TCERG1: variants seen among roughly 807,000 people sequenced by gnomAD.
TCERG1 encodes the protein transcription elongation regulator 1.
Under a neutral mutation model 144.7 loss-of-function variants are expected in TCERG1, and 37 were observed. That is an observed-to-expected ratio of 0.26 (90% confidence interval 0.20 to 0.34). The LOEUF is 0.34. TCERG1 is among the 10% of genes least tolerant of loss of function. The pLI is 1.00. For synonymous variants in TCERG1, 492 were observed against 458.2 expected, an observed-to-expected ratio of 1.07 and a Z score of -0.94; for missense variants, 1,027 against 1,380.7, an observed-to-expected ratio of 0.74 and a Z score of 4.06.
rs1765057628 is a variant in TCERG1, at chr5:146,478,524, T to G, written c.1633T>G (p.Phe545Val). 1.2e-6 allele frequency: 2 copies of G among 1,607,946 alleles called. No homozygotes were observed. The highest frequency in any genetic ancestry group is 3.4e-5 in the Admixed American group (2 of 58,082). ...CGTTTGGACTGGTGATGAGCGGGTC[T>G]TCTTTTATAATCCCACCACTCGTCT... ...CVVWTGDERV[F>V]FYNPTTRLSM... The change falls in exon 10 of 23, where the codon TTC (phenylalanine) becomes GTC (valine). Residue 545 changes from phenylalanine to valine, a missense_variant. By Grantham distance (50) the Phe-to-Val change is conservative. Around this residue, in one of 6 missense-constraint regions of TCERG1, gnomAD observed 482 missense variants for 632.6 expected, o/e 0.76. Coordinates refer to ENST00000679501, the MANE Select transcript of TCERG1 (RefSeq NM_001382548.1).
At chr5:146,459,379 A>T in intron 4 of TCERG1, 42 bp downstream of exon 4, 1 of 1,587,032 alleles carries the variant, frequency 6.3e-7, no homozygotes, top group Non-Finnish European at 8.6e-7. Context: ...GGGGCTAGAG[A>T]CATGAACAAG....
chr5:146,455,651 G>C (rs1292777413), intron 2 of TCERG1, among the ~76,000 whole-genome samples: 1 of 152,188 alleles, frequency 6.6e-6, no homozygotes, highest in Admixed American at 6.5e-5. Flanking sequence ...TTGCCAGCAA[G>C]TCTAAAAATA....
intron 5 of TCERG1, among the ~76,000 whole-genome samples, chr5:146,465,765 C>T (rs745690524): frequency 6.6e-6 from 1 of 152,158 alleles, no homozygotes; most frequent in Non-Finnish European, 1.5e-5. Context: ...GGCACGGTGG[C>T]TTACGCCTGT....
chr5:146,476,044 GC>G (rs1167866052), intron 9 of TCERG1, among the ~76,000 whole-genome samples: 2 of 151,926 alleles, frequency 1.3e-5, no homozygotes, highest in Non-Finnish European at 2.9e-5. Context: ...TAGCTTCCCT[GC>G]TTTCTGCTGT....
chr5:146,510,318 TAAA>T (rs546570760), intron 22 of TCERG1, 120 bp from the exon 23 acceptor site: 5,490 of 546,090 alleles, frequency 0.01, 1 homozygote, highest in East Asian at 0.039. Flanking sequence ...AAATTTTTCT[TAAA>T]AAAAAAAAAA....
In TCERG1 at chr5:146,447,336, C is replaced by G. The variant is rs990801589; in HGVS notation, c.-14C>G. The G allele has an allele frequency of 1.2e-6, 2 of 1,610,888 alleles. No homozygotes were observed. Among genetic ancestry groups the G allele is most frequent in the African/African-American group, 2.7e-5 (2 of 74,806 alleles). ...GACGTCGGGTCGGCGGGTGGATGAA[C>G]GCGGCCCTCTGTAATGGCGGAGCGT... On this transcript the variant is annotated 5_prime_UTR_variant, in exon 1 of 23. Transcript: ENST00000679501.
intron 15 of TCERG1, among the ~76,000 whole-genome samples, chr5:146,488,012 T>A (rs572913748): frequency 4.9e-4 from 75 of 152,258 alleles, no homozygotes; most frequent in African/African-American, 1.7e-3. Context: ...GAACAGTCTC[T>A]TCAATAAATG....
At position 146,471,492 on chromosome 5, in the gene TCERG1, C is replaced by T; in HGVS notation, c.1517C>T (p.Pro506Leu). 1 of 1,611,586 alleles carries T rather than the reference C, an allele frequency of 6.2e-7. No homozygotes were observed. The highest frequency in any genetic ancestry group is 8.5e-7 in the Non-Finnish European group (1 of 1,178,934). The change falls in exon 9 of 23, where the codon CCC (proline) becomes CTC (leucine). Residue 506 changes from proline to leucine, a missense_variant. Physicochemically the swap from Pro to Leu is moderately conservative, Grantham distance 98 (BLOSUM62 -3). Around this residue, in one of 6 missense-constraint regions of TCERG1, gnomAD observed 482 missense variants for 632.6 expected, o/e 0.76. Transcript: ENST00000679501. ...GAGTAATATCATTTCTTGTAGGAGC[C>T]CAAAGAAGAGGAGATGACTGAAGAA... ...EEPIKEIKEE[P>L]KEEEMTEEEK... is the part of the protein sequence containing the mutation.
intron 13 of TCERG1, 68 bp downstream of exon 13, chr5:146,481,268 T>C: frequency 1.3e-6 from 1 of 774,780 alleles, no homozygotes; most frequent in Non-Finnish European, 1.6e-6. Flanking sequence ...AGATAGATAG[T>C]GATAGTTTGT....
chr5:146,503,412 A>C lies in TCERG1; in HGVS notation c.2471A>C (p.His824Pro). The change falls in exon 18 of 23, where the codon CAC becomes CCC. Residue 824 changes from histidine to proline, a missense_variant. Physicochemically the swap from His to Pro is moderately conservative, Grantham distance 77. Transcript: ENST00000679501. ...SDFFELLSNHHLDSQSRWSKV... is the reference protein window; with the variant it reads ...SDFFELLSNHPLDSQSRWSKV... ...TTCTTTGAACTATTATCTAATCATC[A>C]CTTGGACAGTCAGTCTCGATGGAGC... 2 of 1,613,670 alleles carry C rather than the reference A, an allele frequency of 1.2e-6. No individual in the cohort carries two copies. The highest frequency in any genetic ancestry group is 1.7e-6 in the Non-Finnish European group (2 of 1,179,812).
Position 146,503,933 on chromosome 5 carries a change from A to C in TCERG1, c.2708A>C (p.Glu903Ala). The C allele has an allele frequency of 6.2e-7, 1 of 1,612,894 alleles. No homozygotes were observed. The highest frequency in any genetic ancestry group is 8.5e-7 in the Non-Finnish European group (1 of 1,179,602). The change falls in exon 19 of 23, where the codon GAA becomes GCA. Residue 903 changes from glutamate to alanine, a missense_variant. Physicochemically the swap from Glu to Ala is moderately radical, Grantham distance 107. Coordinates refer to ENST00000679501, the MANE Select transcript of TCERG1 (RefSeq NM_001382548.1). ...AAGGCCCGTTCAGAACAAACAAAAG[A>C]AATAGATCGAGAGAGAGAGCAGCAC... ...VQKARSEQTK[E>A]IDREREQHKR...
intron 1 of TCERG1, among the ~76,000 whole-genome samples, chr5:146,454,192 T>C (rs1762614453): frequency 6.7e-6 from 1 of 149,388 alleles, no homozygotes; most frequent in African/African-American, 2.5e-5. Flanking sequence ...AGAGTGAGAC[T>C]TGGTCTCAAA....
At chr5:146,509,366 G>GTTGGTATCTTCTT in intron 22 of TCERG1, 121 bp downstream of exon 22, 4 of 630,280 alleles carry the variant, frequency 6.3e-6, no homozygotes, top group Non-Finnish European at 1.1e-5. Flanking sequence ...GGGATAAGAA[G>GTTGGTATCTTCTT]ATACCAACTT....
intron 4 of TCERG1, among the ~76,000 whole-genome samples, chr5:146,463,184 T>G (rs1299500461): frequency 2.6e-5 from 4 of 152,220 alleles, no homozygotes; most frequent in Admixed American, 1.3e-4. Flanking sequence ...ACTCTTTGCC[T>G]TATTCATACT....
intron 15 of TCERG1, among the ~76,000 whole-genome samples, chr5:146,486,118 G>T (rs889055325): frequency 6.6e-6 from 1 of 152,176 alleles, no homozygotes; most frequent in South Asian, 2.1e-4. Flanking sequence ...TTTATTATTT[G>T]CATAGGAGTA....
chr5:146,447,521 C>T, intron 1 of TCERG1, 113 bp downstream of exon 1: 1 of 1,401,552 alleles, frequency 7.1e-7, no homozygotes, highest in South Asian at 1.3e-5. Context: ...GCCGGGCGGC[C>T]CGGGCCGGGA....
intron 2 of TCERG1, among the ~76,000 whole-genome samples, chr5:146,456,695 A>T: frequency 6.6e-6 from 1 of 152,228 alleles, no homozygotes; most frequent in East Asian, 1.9e-4. Flanking sequence ...TTGAATTTTA[A>T]TGTTACTTAC....
intron 4 of TCERG1, among the ~76,000 whole-genome samples, chr5:146,462,434 T>C (rs1010539865): frequency 3.9e-5 from 6 of 152,226 alleles, no homozygotes; most frequent in Non-Finnish European, 8.8e-5. Flanking sequence ...AATAACAAAA[T>C]TGTTTTGTAA....
intron 12 of TCERG1, 195 bp downstream of exon 12, chr5:146,480,289 T>A (rs927989430): frequency 2.4e-6 from 1 of 417,068 alleles, no homozygotes; most frequent in Non-Finnish European, 4.4e-6. Context: ...TGTAGAAGAT[T>A]TGGGTATTCA....
Sources: allele counts gnomAD v4.1 joint callset (sites outside exome capture counted in the v4.1 genomes callset), GRCh38; gene constraint gnomAD v4.1.1; regional missense constraint gnomAD v4.1.1; transcripts MANE v1.5; gene names NCBI Gene and HGNC (gene_info 2026-07-23, HGNC 2026-07-21).